MCF2L2: variants seen among roughly 807,000 people sequenced by gnomAD.
MCF2L2 encodes the protein probable guanine nucleotide exchange factor MCF2L2.
In MCF2L2, 102 loss-of-function variants were observed where a neutral mutation model predicts 150.2. That is an observed-to-expected ratio of 0.68 (90% CI 0.58 to 0.80). MCF2L2 has a LOEUF of 0.80. Ranked by LOEUF, MCF2L2 falls within the 30% of genes least tolerant of loss-of-function variation. MCF2L2 has a pLI of 0.00. For synonymous variants in MCF2L2, 465 were observed against 491.3 expected, an observed-to-expected ratio of 0.95 and a Z score of 0.71; for missense variants, 1,256 against 1,372.8, an observed-to-expected ratio of 0.91 and a Z score of 1.34.
intron 1 of MCF2L2, among the ~76,000 whole-genome samples, chr3:183,398,664 T>C (rs1214876801): frequency 6.6e-6 from 1 of 152,148 alleles, no homozygotes; most frequent in African/African-American, 2.4e-5. Context: ...TATGGGTCTT[T>C]ATTAACGCAT....
At chr3:183,378,198 A>T (rs1418835860) in intron 3 of MCF2L2, 2 of 152,190 alleles carry the variant, frequency 1.3e-5, no homozygotes, top group Non-Finnish European at 2.9e-5. Flanking sequence ...AAAATACCAC[A>T]CACCTGGCCA....
Position 183,428,041 on chromosome 3 carries a change from T to C in MCF2L2, c.-64A>G. 15 of 1,306,064 alleles carry C rather than the reference T, an allele frequency of 1.1e-5. No homozygotes were observed. The highest frequency in any genetic ancestry group is 1.6e-5 in the Non-Finnish European group (14 of 900,960). 80.9% of individuals were successfully genotyped at this position (1,306,064 alleles called of 1,614,324 possible). ...AAACTGTTTCTACCGCTGCGGTGGA[T>C]GATTTTTTAAAGGCATCTCCGCCCA... On this transcript the variant is annotated 5_prime_UTR_variant, in exon 1 of 30. Transcript: ENST00000328913. The surrounding 1 kb of genome is among the most constrained non-coding windows in gnomAD (Gnocchi z 5.1).
At chr3:183,383,050 T>A (rs1713623860) in intron 2 of MCF2L2, among the ~76,000 whole-genome samples, 1 of 152,138 alleles carries the variant, frequency 6.6e-6, no homozygotes, top group East Asian at 1.9e-4. Context: ...TCTCAGGGCC[T>A]AGGATACTAA....
In MCF2L2 at chr3:183,258,212, C is replaced by T. The variant is rs184355749; in HGVS notation, c.1862+18660G>A. ...TGATCTCCCGACCTCCTGATCCGCC[C>T]GCCTCGGCCTCCCAAAGTGCTGGGA... On this transcript the variant is annotated intron_variant, in intron 15 of 29. Coordinates refer to ENST00000328913, the MANE Select transcript of MCF2L2 (RefSeq NM_015078.4). The T allele has an allele frequency of 1.0e-3, 153 of 152,828 alleles. No individual in the cohort carries two copies. In the East Asian group the frequency reaches 0.018, roughly 18 times the overall value. 9.5% of individuals were successfully genotyped at this position (152,828 alleles called of 1,614,324 possible).
At chr3:183,189,318 T>G (rs181688573) in intron 27 of MCF2L2, among the ~76,000 whole-genome samples, 3 of 152,320 alleles carry the variant, frequency 2.0e-5, no homozygotes, top group East Asian at 1.9e-4. Context: ...GACTCTCACA[T>G]TTTGAGTTAA....
intron 5 of MCF2L2, among the ~76,000 whole-genome samples, chr3:183,327,267 G>A (rs1019110812): frequency 6.6e-5 from 10 of 152,182 alleles, no homozygotes; most frequent in African/African-American, 1.9e-4. Context: ...AGAGGTTGCA[G>A]TGAGCCGAGA....
rs73884619 is a variant in MCF2L2, at chr3:183,272,575, A to T, written c.1862+4297T>A. 5.9e-3 allele frequency: 5,894 copies of T among 993,200 alleles called. 269 individuals are homozygous for T. The African/African-American group carries it at 0.09, about 15-fold the overall frequency. The allele number at this position is 993,200 out of a possible 1,614,324, so 61.5% of individuals were successfully genotyped here. On this transcript the variant is annotated intron_variant, in intron 15 of 29. Transcript: ENST00000328913. ...TGTTTACATTGCTTAGATAATTTAGAATTTTTAACTAATGTCAAAACTACA... is the reference window on the plus strand; with the variant it reads ...TGTTTACATTGCTTAGATAATTTAGTATTTTTAACTAATGTCAAAACTACA...
rs546133508 is a variant in MCF2L2, at chr3:183,248,460, T to C, written c.1863-17443A>G. Among the ~76,000 whole-genome samples, 4 of 152,226 alleles carry C rather than the reference T, an allele frequency of 2.6e-5. No homozygotes were observed. The South Asian group carries it at 6.2e-4, about 24-fold the overall frequency. ...AACTGCCTTTTGGAAATTGGTTGAG[T>C]GGGATTTGAACCGTGTACTCTCTGT... On this transcript the variant is annotated intron_variant, in intron 15 of 29. Coordinates refer to ENST00000328913, the MANE Select transcript of MCF2L2 (RefSeq NM_015078.4).
At position 183,239,065 on chromosome 3, in the gene MCF2L2, A is replaced by G. The variant is rs79697344; in HGVS notation, c.1863-8048T>C. 1.7e-3 allele frequency among the ~76,000 whole-genome samples: 265 copies of G among 152,094 alleles called. 1 individual carries two copies. The highest frequency in any genetic ancestry group is 6.1e-3 in the African/African-American group (253 of 41,514). ...TAAAATCATCAAGTGTATATCATGC[A>G]GATGAACAACAGAAAACACTGGGAG... On this transcript the variant is annotated intron_variant, in intron 15 of 29. Coordinates refer to ENST00000328913, the MANE Select transcript of MCF2L2 (RefSeq NM_015078.4).
rs149358916 is a variant in MCF2L2 at position 183,424,378 on chromosome 3, G to A, written c.76+3524C>T. On this transcript the variant is annotated intron_variant, in intron 1 of 29. Transcript: ENST00000328913. ...GGCTTCATGTTTACTTTCAAATGGG[G>A]TTTTGGAGACAAAATAGTTATCTAC... 9.7e-4 allele frequency among the ~76,000 whole-genome samples: 147 copies of A among 152,322 alleles called. 1 individual carries two copies. The highest frequency in any genetic ancestry group is 3.0e-3 in the African/African-American group (124 of 41,582).
At position 183,402,302 on chromosome 3, in the gene MCF2L2, C is replaced by T. The variant is rs573044917; in HGVS notation, c.77-12523G>A. 4.6e-5 allele frequency among the ~76,000 whole-genome samples: 7 copies of T among 151,326 alleles called. No homozygotes were observed. In the South Asian group the frequency reaches 1.5e-3, roughly 32 times the overall value. On this transcript the variant is annotated intron_variant, in intron 1 of 29. Transcript: ENST00000328913. The stretch of plus-strand genomic sequence containing the variant: ...ACTAAAAATGCAAAAAAAAATTAGC[C>T]GGGCGTGGTGGGTTTTTCCCGGGTG...
rs999476347 is a variant in MCF2L2 at position 183,191,909 on chromosome 3, C to T, written c.3016+1090G>A. ...AGGCTGGAGTGCAGTGGCGTGATCT[C>T]GGCTCACTGCAAGCTCCGCCTCCCA... On this transcript the variant is annotated intron_variant, in intron 27 of 29. Transcript: ENST00000328913. 2.3e-4 allele frequency among the ~76,000 whole-genome samples: 35 copies of T among 151,282 alleles called. 1 individual carries two copies. The highest frequency in any genetic ancestry group is 8.0e-4 in the African/African-American group (33 of 41,254).
At chr3:183,384,906 G>C (rs1051009672) in intron 2 of MCF2L2, among the ~76,000 whole-genome samples, 2 of 152,094 alleles carry the variant, frequency 1.3e-5, no homozygotes, top group African/African-American at 4.8e-5. Context: ...GGATGGCAGA[G>C]GGCAATACAA....
intron 25 of MCF2L2, among the ~76,000 whole-genome samples, chr3:183,199,737 G>C (rs1312569497): frequency 1.3e-5 from 2 of 149,724 alleles, no homozygotes; most frequent in African/African-American, 4.9e-5. Context: ...CTCATCATTT[G>C]CATTATGTAT....
intron 1 of MCF2L2, among the ~76,000 whole-genome samples, chr3:183,405,015 C>T (rs749441843): frequency 6.6e-6 from 1 of 151,752 alleles, no homozygotes; most frequent in Non-Finnish European, 1.5e-5. Context: ...ATTATAAAGC[C>T]GTTAAAATAT....
intron 1 of MCF2L2, among the ~76,000 whole-genome samples, chr3:183,392,369 G>C (rs76221534): frequency 0.02 from 3,021 of 152,264 alleles, 98 homozygotes; most frequent in African/African-American, 0.069. Context: ...CCTTGGCCTT[G>C]AGTTGCAAAG....
In MCF2L2 at chr3:183,318,124, T is replaced by C. The variant is rs760425218; in HGVS notation, c.697A>G (p.Met233Val). 1.6e-5 allele frequency: 26 copies of C among 1,614,202 alleles called. No homozygotes were observed. The East Asian group carries it at 5.3e-4, about 33-fold the overall frequency. ...CLATAELPRS[M>V]LSTEDLLMSH... ...ATGAGAAGGTCTTCCGTGGATAGCATGCTTCTGGGCAGCTCTGCTGTGGCC... is the reference window on the plus strand; with the variant it reads ...ATGAGAAGGTCTTCCGTGGATAGCACGCTTCTGGGCAGCTCTGCTGTGGCC... The change falls in exon 7 of 30, where the codon ATG becomes GTG. Residue 233 changes from methionine to valine, a missense_variant. By Grantham distance (21) the Met-to-Val change is conservative. Coordinates refer to ENST00000328913, the MANE Select transcript of MCF2L2 (RefSeq NM_015078.4).
chr3:183,321,437 C>CAAAAAA lies in MCF2L2; in HGVS notation c.603+1792_603+1797dup, dbSNP rs754945400. 1.3e-4 allele frequency among the ~76,000 whole-genome samples: 11 copies of CAAAAAA among 87,198 alleles called. No individual in the cohort carries two copies. In the South Asian group the frequency reaches 1.7e-3, roughly 13 times the overall value. The allele number at this position is 87,198 out of a possible 152,430, so 57.2% of individuals were successfully genotyped here. A position where few individuals can be genotyped will look rare whatever the true frequency, so the allele number is the denominator to read the frequency against. Reference sequence around the variant, plus strand: ...TGGGTGATAGAGCAAGACTCTGTCTCAAAAAAAAAAAAAAAAGAAAGAAAG... The same window carrying CAAAAAA: ...TGGGTGATAGAGCAAGACTCTGTCTCAAAAAAAAAAAAAAAAAAAAAAGAAAGAAAG... On this transcript the variant is annotated intron_variant, in intron 6 of 29. Transcript: ENST00000328913.
At chr3:183,206,901 G>A (rs1722493152) in intron 23 of MCF2L2, among the ~76,000 whole-genome samples, 1 of 126,400 alleles carries the variant, frequency 7.9e-6, no homozygotes, top group South Asian at 2.5e-4. Context: ...AAGAAAGAAA[G>A]ACAGAAAGAA....
Sources: gnomAD v4.1 joint callset for allele counts (sites outside exome capture counted in the v4.1 genomes callset) on GRCh38, gnomAD v4.1.1 for gene constraint, Gnocchi (gnomAD v3.1) non-coding constraint, MANE v1.5 for transcripts, NCBI Gene and HGNC (gene_info 2026-07-23, HGNC 2026-07-21) for gene names.